STK24: variants seen among roughly 807,000 people sequenced by gnomAD.
STK24 encodes serine/threonine kinase 24.
STK24 carries 21 observed loss-of-function variants against 55.6 expected under a neutral mutation model. That is an observed-to-expected ratio of 0.38 (90% CI 0.27 to 0.54). The LOEUF (loss-of-function observed/expected upper bound fraction) is 0.54. STK24 is among the 20% of genes least tolerant of loss of function. The probability of loss-of-function intolerance (pLI) is 0.79; values close to 1 mark genes in which losing one functional copy is unlikely to be tolerated. For synonymous variants in STK24, 200 were observed against 215.2 expected (o/e 0.93, Z 0.62); for missense variants, 383 against 538.4 (o/e 0.71, Z 2.86).
In STK24 at chr13:98,466,576, G is replaced by T. The variant is rs778275393; in HGVS notation, c.598-15C>A. ...CAGATGTCTGCCTGCAACAAGAAAA[G>T]CATCTTTACAAACACCAAGCAGGAA... On this transcript the variant is annotated splice_polypyrimidine_tract_variant and intron_variant, in intron 5 of 10. Coordinates refer to ENST00000539966, the MANE Select transcript of STK24 (RefSeq NM_001032296.4). 6.2e-7 allele frequency: 1 copy of T among 1,611,374 alleles called. No individual in the cohort carries two copies. Among genetic ancestry groups the T allele is most frequent in the Non-Finnish European group, 8.5e-7 (1 of 1,178,922 alleles).
intron 5 of STK24, among the ~76,000 whole-genome samples, chr13:98,472,077 A>G (rs781301783): frequency 3.9e-5 from 6 of 152,190 alleles, no homozygotes; most frequent in Non-Finnish European, 8.8e-5. Context: ...CACTGGAGGG[A>G]CACACACAGG....
At chr13:98,522,216 C>T (rs1896288233) in intron 1 of STK24, 3 of 462,370 alleles carry the variant, frequency 6.5e-6, no homozygotes, top group Non-Finnish European at 8.5e-6. Flanking sequence ...TCTTCCAGTC[C>T]CTCTAGTTCC....
In STK24 at chr13:98,449,153, A is replaced by T. The variant is rs1320678278; in HGVS notation, c.*4020T>A. 6.6e-6 allele frequency: 1 copy of T among 152,144 alleles called. No homozygotes were observed. Among genetic ancestry groups the T allele is most frequent in the Non-Finnish European group, 1.5e-5 (1 of 68,032 alleles). 9.4% of individuals were successfully genotyped at this position (152,144 alleles called of 1,614,324 possible). ...GAAAACCCGTGTGTCATTGATCAGC[A>T]CCATTTGTGGTATGTTCCGTGATGA... is the stretch of plus-strand genomic sequence containing the variant. On this transcript the variant is annotated 3_prime_UTR_variant, in exon 11 of 11. Coordinates refer to ENST00000539966, the MANE Select transcript of STK24 (RefSeq NM_001032296.4).
chr13:98,477,691 A>G (rs1894429680), intron 3 of STK24, among the ~76,000 whole-genome samples: 1 of 151,298 alleles, frequency 6.6e-6, no homozygotes, highest in South Asian at 2.1e-4. Flanking sequence ...AAAAAAAAAA[A>G]GTCACATTAG....
intron 1 of STK24, among the ~76,000 whole-genome samples, chr13:98,532,699 TA>T (rs1461834790): frequency 2.0e-5 from 3 of 152,224 alleles, no homozygotes; most frequent in African/African-American, 7.2e-5. Context: ...AGTCCTCAAA[TA>T]TTCTTTCGAA....
intron 1 of STK24, among the ~76,000 whole-genome samples, chr13:98,568,379 G>C (rs1343050802): frequency 6.6e-6 from 1 of 152,184 alleles, no homozygotes; most frequent in East Asian, 1.9e-4. Flanking sequence ...GGGGGAATGA[G>C]TGAACCAGGC....
At chr13:98,460,197 G>C (rs2139250816) in intron 9 of STK24, among the ~76,000 whole-genome samples, 175 bp downstream of exon 9, 1 of 87,060 alleles carries the variant, frequency 1.1e-5, no homozygotes, top group East Asian at 3.2e-4. Context: ...ACCCAGGACA[G>C]GGGAGGCGCA....
Position 98,509,357 on chromosome 13 carries a change from G to C in STK24, c.273+9886C>G, listed in dbSNP as rs571306979. On this transcript the variant is annotated intron_variant, in intron 2 of 10. Coordinates refer to ENST00000539966, the MANE Select transcript of STK24 (RefSeq NM_001032296.4). ...CAATTAGCCATGATTAGTCATGAGG[G>C]AAATGCATGTGAAAACCATGAGATA... Among the ~76,000 whole-genome samples, 3 of 152,152 alleles carry C rather than the reference G, an allele frequency of 2.0e-5. No homozygotes were observed. In the East Asian group the frequency reaches 5.8e-4, roughly 29 times the overall value.
In STK24 at chr13:98,448,251, C is replaced by G. The variant is rs1273777383; in HGVS notation, c.*4922G>C. 6.2e-7 allele frequency: 1 copy of G among 1,613,942 alleles called. No homozygotes were observed. The highest frequency in any genetic ancestry group is 1.7e-5 in the Admixed American group (1 of 60,032). ...CGTGTTGCAGGTGGATGGAAGTGAT[C>G]CGCAGTGCCACCAGCTCTGCCTCGC... is the stretch of plus-strand genomic sequence containing the variant. On this transcript the variant is annotated 3_prime_UTR_variant, in exon 11 of 11. Transcript: ENST00000539966.
intron 2 of STK24, among the ~76,000 whole-genome samples, chr13:98,493,304 G>A (rs1895113563): frequency 6.6e-6 from 1 of 152,186 alleles, no homozygotes; most frequent in South Asian, 2.1e-4. Flanking sequence ...CATTAAATCT[G>A]CTAATGGGAA....
intron 6 of STK24, 131 bp downstream of exon 6, chr13:98,466,245 C>T (rs1299661146): frequency 2.3e-6 from 2 of 874,568 alleles, no homozygotes; most frequent in East Asian, 5.8e-5. Flanking sequence ...ATCATACTTA[C>T]TTAGAAAAAG....
chr13:98,550,801 A>C (rs542351598), intron 1 of STK24, among the ~76,000 whole-genome samples: 2 of 152,246 alleles, frequency 1.3e-5, no homozygotes, highest in Non-Finnish European at 2.9e-5. Context: ...AGTATGCAAA[A>C]TAAAATGAAA....
chr13:98,552,626 T>A (rs1242260811), intron 1 of STK24, among the ~76,000 whole-genome samples: 1 of 152,050 alleles, frequency 6.6e-6, no homozygotes, highest in African/African-American at 2.4e-5. Context: ...TCTGACCTTG[T>A]GGAGGTCCAG....
At chr13:98,550,933 G>A (rs1368223684) in intron 1 of STK24, among the ~76,000 whole-genome samples, 2 of 151,922 alleles carry the variant, frequency 1.3e-5, no homozygotes, top group African/African-American at 4.8e-5. Flanking sequence ...GAATTAAGTT[G>A]AAGATTAAGT....
Position 98,539,925 on chromosome 13 carries a change from C to T in STK24, c.43-20452G>A, listed in dbSNP as rs138071226. Among the ~76,000 whole-genome samples, 487 of 152,216 alleles carry T rather than the reference C, an allele frequency of 3.2e-3. 2 individuals are homozygous for T. Among genetic ancestry groups the T allele is most frequent in the African/African-American group, 0.011 (447 of 41,522 alleles). On this transcript the variant is annotated intron_variant, in intron 1 of 10. Coordinates refer to ENST00000539966, the MANE Select transcript of STK24 (RefSeq NM_001032296.4). The stretch of plus-strand genomic sequence containing the variant: ...CAGACACACACACAGATGTTCACAG[C>T]GACATGATTCACAGTAACCGCCAGT...
intron 9 of STK24, among the ~76,000 whole-genome samples, chr13:98,457,612 G>T (rs1250983980): frequency 2.0e-5 from 3 of 151,924 alleles, no homozygotes; most frequent in Non-Finnish European, 2.9e-5. Context: ...TGGGATTACA[G>T]GCCCCTGCCT....
rs540507899 is a variant in STK24, at chr13:98,470,542, T to C, written c.598-3981A>G. Among the ~76,000 whole-genome samples, 10 of 152,324 alleles carry C rather than the reference T, an allele frequency of 6.6e-5. No homozygotes were observed. The East Asian group carries it at 1.9e-3, about 29-fold the overall frequency. Reference sequence around the variant, plus strand: ...TTTGGGAAAGATATGAAATTAGACATTAAGACACTGCTCACAGAGAAAACA... The same window carrying C: ...TTTGGGAAAGATATGAAATTAGACACTAAGACACTGCTCACAGAGAAAACA... On this transcript the variant is annotated intron_variant, in intron 5 of 10. Transcript: ENST00000539966.
chr13:98,458,117 CT>C (rs1893543333), intron 9 of STK24, among the ~76,000 whole-genome samples: 1 of 152,194 alleles, frequency 6.6e-6, no homozygotes, highest in Non-Finnish European at 1.5e-5. Flanking sequence ...AAGTGGCAGC[CT>C]TAAATTCTGG....
chr13:98,495,287 T>G (rs1566368313), intron 2 of STK24, among the ~76,000 whole-genome samples: 1 of 152,250 alleles, frequency 6.6e-6, no homozygotes, highest in Non-Finnish European at 1.5e-5. Context: ...TTCCATAATC[T>G]AATTAACATT....
Sources: allele counts gnomAD v4.1 joint callset (sites outside exome capture counted in the v4.1 genomes callset), GRCh38; gene constraint gnomAD v4.1.1; transcripts MANE v1.5; gene names NCBI Gene and HGNC (gene_info 2026-07-23, HGNC 2026-07-21).